The following SUSD5 variants were observed in gnomAD, a reference collection of about 807,000 sequenced individuals.
SUSD5 encodes the protein sushi domain-containing protein 5.
Under a neutral mutation model 29.5 loss-of-function variants are expected in SUSD5, and 33 were observed. That is an observed-to-expected ratio of 1.12 (90% CI 0.85 to 1.49). The LOEUF is 1.49. Ranked by LOEUF, SUSD5 falls within the 40% of genes most tolerant of loss-of-function variation. The pLI is 0.00. For missense variants in SUSD5, 776 were observed against 800.6 expected (o/e 0.97, Z 0.37); for synonymous variants, 308 against 325.3 (o/e 0.95, Z 0.57).
Position 33,153,716 on chromosome 3 carries a change from A to C in SUSD5, c.916T>G (p.Leu306Val). Residue 306 changes from leucine to valine, a missense_variant, in exon 5 of 5, where the codon TTG (leucine) becomes GTG (valine). Physicochemically the swap from Leu to Val is conservative, Grantham distance 32. Transcript: ENST00000309558. ...FPAEAFHKPG[L>V]EKEVDDDTKK... Reference sequence around the variant, plus strand: ...GTGTCATCATCCACCTCCTTTTCCAACCCAGGCTTGTGGAAAGCCTCAGCA... The same window carrying C: ...GTGTCATCATCCACCTCCTTTTCCACCCCAGGCTTGTGGAAAGCCTCAGCA... 2 of 1,613,832 alleles carry C rather than the reference A, an allele frequency of 1.2e-6. No homozygotes were observed. The highest frequency in any genetic ancestry group is 1.7e-6 in the Non-Finnish European group (2 of 1,179,852).
At chr3:33,159,871 G>A (rs534571196) in intron 4 of SUSD5, among the ~76,000 whole-genome samples, 1 of 152,316 alleles carries the variant, frequency 6.6e-6, no homozygotes, top group East Asian at 1.9e-4. Context: ...TAGTTACCAA[G>A]AGGAGAAACA....
chr3:33,194,092 T>A (rs2031948798), intron 3 of SUSD5, among the ~76,000 whole-genome samples: 1 of 152,162 alleles, frequency 6.6e-6, no homozygotes, highest in Non-Finnish European at 1.5e-5. Context: ...GACCAGCTGG[T>A]GCCATCCGGA....
chr3:33,165,993 A>G (rs945276025), intron 4 of SUSD5, among the ~76,000 whole-genome samples: 2 of 143,354 alleles, frequency 1.4e-5, no homozygotes, highest in Non-Finnish European at 3.1e-5. Context: ...CCTGGGTGAC[A>G]GAGTGAGACC....
chr3:33,163,652 A>G (rs1490275065), intron 4 of SUSD5, among the ~76,000 whole-genome samples: 1 of 152,102 alleles, frequency 6.6e-6, no homozygotes, highest in Non-Finnish European at 1.5e-5. Context: ...ACCTGAGGTC[A>G]GGAGTTCTAG....
chr3:33,180,615 T>C (rs569312286), intron 3 of SUSD5, among the ~76,000 whole-genome samples: 2 of 152,092 alleles, frequency 1.3e-5, no homozygotes, highest in South Asian at 2.1e-4. Context: ...TCACTTAAGG[T>C]GAGGAGTCAA....
At chr3:33,157,989 A>G (rs7646374) in intron 4 of SUSD5, among the ~76,000 whole-genome samples, 127,623 of 152,302 alleles carry the variant, frequency 0.84, 53,961 homozygotes, top group East Asian at 1. Flanking sequence ...CTGCTTGGGG[A>G]GCAGGCCCCA....
intron 3 of SUSD5, 141 bp downstream of exon 3, chr3:33,207,667 T>C (rs1050392308): frequency 5.2e-6 from 3 of 574,536 alleles, no homozygotes; most frequent in Admixed American, 3.4e-5. Context: ...CACCGCACTA[T>C]TGGCTTTTCT....
At chr3:33,187,595 T>A (rs558385368) in intron 3 of SUSD5, among the ~76,000 whole-genome samples, 1 of 152,258 alleles carries the variant, frequency 6.6e-6, no homozygotes, top group South Asian at 2.1e-4. Flanking sequence ...GCTGGCTATA[T>A]ACCTGGACCT....
rs150158095 is a variant in SUSD5 at position 33,214,348 on chromosome 3, T to C, written c.113-243A>G. Among the ~76,000 whole-genome samples the C allele has an allele frequency of 1.3e-3, 165 of 126,844 alleles. 1 individual carries two copies. The highest frequency in any genetic ancestry group is 4.6e-3 in the African/African-American group (154 of 33,812). 83.2% of individuals were successfully genotyped at this position (126,844 alleles called of 152,430 possible). On this transcript the variant is annotated intron_variant, in intron 1 of 4. Transcript: ENST00000309558. ...CACCCGCCCAAAATTAACCATCTGCTCTGGCATGTCGATCTGGAAAAGCCC... is the reference window on the plus strand; with the variant it reads ...CACCCGCCCAAAATTAACCATCTGCCCTGGCATGTCGATCTGGAAAAGCCC...
intron 3 of SUSD5, among the ~76,000 whole-genome samples, chr3:33,199,336 C>T (rs184866440): frequency 6.6e-6 from 1 of 152,252 alleles, no homozygotes; most frequent in African/African-American, 2.4e-5. Flanking sequence ...TGCAGTGGCA[C>T]AATCTCGGCT....
intron 3 of SUSD5, among the ~76,000 whole-genome samples, chr3:33,189,091 C>A (rs939770713): frequency 2.0e-5 from 3 of 152,118 alleles, no homozygotes; most frequent in Admixed American, 2.0e-4. Flanking sequence ...ATAAACCCTG[C>A]GTCAATCAAC....
At chr3:33,213,512 G>A (rs934919239) in intron 2 of SUSD5, among the ~76,000 whole-genome samples, 1 of 152,284 alleles carries the variant, frequency 6.6e-6, no homozygotes, top group Non-Finnish European at 1.5e-5. Flanking sequence ...ACACACACCA[G>A]GCGTGGTGGC....
chr3:33,197,035 G>T (rs1164860086), intron 3 of SUSD5, among the ~76,000 whole-genome samples: 3 of 152,182 alleles, frequency 2.0e-5, no homozygotes, highest in Non-Finnish European at 4.4e-5. Flanking sequence ...TGAACACAGG[G>T]TACTACAGCA....
At chr3:33,179,160 T>C (rs952027469) in intron 3 of SUSD5, among the ~76,000 whole-genome samples, 3 of 152,228 alleles carry the variant, frequency 2.0e-5, no homozygotes, top group African/African-American at 7.2e-5. Context: ...TTCTCTACAA[T>C]GGGACAATTT....
At chr3:33,203,524 G>A (rs1001306107) in intron 3 of SUSD5, among the ~76,000 whole-genome samples, 5 of 152,240 alleles carry the variant, frequency 3.3e-5, no homozygotes, top group African/African-American at 1.2e-4. Context: ...CTCGAGCACT[G>A]TAACAGTGAT....
At position 33,152,782 on chromosome 3, in the gene SUSD5, G is replaced by A. The variant is rs780202165; in HGVS notation, c.1850C>T (p.Ala617Val). The change falls in exon 5 of 5, where the codon GCT becomes GTT. Residue 617 changes from alanine (A) to valine (V), a missense_variant. Ala to Val is a moderately conservative substitution (Grantham distance 64, BLOSUM62 0). Coordinates refer to ENST00000309558, the MANE Select transcript of SUSD5 (RefSeq NM_015551.2). Reference protein sequence around the residue: ...VYKLNVGQRQARHYHQQIEME... With the variant: ...VYKLNVGQRQVRHYHQQIEME... ...CTCGATCTGCTGGTGGTAGTGCCGA[G>A]CCTGCCGCTGGCCAACATTCAGCTT... 2.5e-6 allele frequency: 4 copies of A among 1,613,584 alleles called. No homozygotes were observed. Among genetic ancestry groups the A allele is most frequent in the Admixed American group, 3.3e-5 (2 of 60,014 alleles).
chr3:33,184,320 G>A (rs1043943714), intron 3 of SUSD5, among the ~76,000 whole-genome samples: 1 of 152,042 alleles, frequency 6.6e-6, no homozygotes, highest in Non-Finnish European at 1.5e-5. Context: ...AGATAAGGTA[G>A]GGTTTTTTCC....
chr3:33,165,229 A>C (rs1021851511), intron 4 of SUSD5, among the ~76,000 whole-genome samples: 3 of 152,230 alleles, frequency 2.0e-5, no homozygotes, highest in South Asian at 4.1e-4. Context: ...TATGTGTCTC[A>C]CAGACATAAT....
chr3:33,184,040 C>T (rs1245482607), intron 3 of SUSD5, among the ~76,000 whole-genome samples: 1 of 146,426 alleles, frequency 6.8e-6, no homozygotes, highest in African/African-American at 2.5e-5. Context: ...TGGGTTTAAG[C>T]GATTCTCCTG....
Sources: allele counts gnomAD v4.1 joint callset (sites outside exome capture counted in the v4.1 genomes callset), GRCh38; gene constraint gnomAD v4.1.1; transcripts MANE v1.5; gene names NCBI Gene and HGNC (gene_info 2026-07-23, HGNC 2026-07-21).